Variants in PZP observed in about 807,000 individuals in gnomAD.
PZP encodes PZP alpha-2-macroglobulin like.
In PZP, 150 loss-of-function variants were observed where a neutral mutation model predicts 179.8. That is an observed-to-expected ratio of 0.83 (90% CI 0.73 to 0.96). The LOEUF is 0.96. PZP is among the 40% of genes least tolerant of loss of function. The pLI is 0.00. For synonymous variants in PZP, 624 were observed against 652.3 expected, an observed-to-expected ratio of 0.96 and a Z score of 0.66; for missense variants, 1,689 against 1,764.0, an observed-to-expected ratio of 0.96 and a Z score of 0.76.
At position 9,154,743 on chromosome 12, in the gene PZP, G is replaced by T; in HGVS notation, c.3647C>A (p.Ser1216Tyr). The T allele has an allele frequency of 6.2e-7, 1 of 1,614,124 alleles. No individual in the cohort carries two copies. ...QAPSAEVEMT[S>Y]YVLLAYLTAQ... Reference sequence around the variant, plus strand: ...CGTGAGATAAGCGAGGAGCACATAGGATGTCATCTCCACCTCAGCAGAGGG... The same window carrying T: ...CGTGAGATAAGCGAGGAGCACATAGTATGTCATCTCCACCTCAGCAGAGGG... Residue 1216 changes from serine to tyrosine, a missense_variant, in exon 29 of 36, where the codon TCC (serine) becomes TAC (tyrosine). By Grantham distance (144) the Ser-to-Tyr change is moderately radical. Coordinates refer to ENST00000261336, the MANE Select transcript of PZP (RefSeq NM_002864.3).
At chr12:9,204,914 G>A (rs1049602769) in intron 1 of PZP, among the ~76,000 whole-genome samples, 1 of 151,948 alleles carries the variant, frequency 6.6e-6, no homozygotes, top group African/African-American at 2.4e-5. Flanking sequence ...GCACAACATT[G>A]TGAGGTCCCC....
chr12:9,175,413 A>C (rs576098609), intron 15 of PZP, among the ~76,000 whole-genome samples: 103 of 152,248 alleles, frequency 6.8e-4, no homozygotes, highest in Non-Finnish European at 1.3e-3. Flanking sequence ...CAAAGATTTC[A>C]TGATGAAAAT....
intron 19 of PZP, among the ~76,000 whole-genome samples, 196 bp downstream of exon 19, chr12:9,164,943 G>T (rs983337420): frequency 6.6e-6 from 1 of 152,170 alleles, no homozygotes; most frequent in Non-Finnish European, 1.5e-5. Flanking sequence ...AGAGAGCCGT[G>T]ATTTAAGCAC....
intron 34 of PZP, 38 bp from the exon 35 acceptor site, chr12:9,149,640 T>G: frequency 1.9e-6 from 3 of 1,601,016 alleles, no homozygotes; most frequent in Non-Finnish European, 2.6e-6. Context: ...AAACGAAAGA[T>G]CTATGAACTA....
intron 25 of PZP, among the ~76,000 whole-genome samples, chr12:9,158,950 C>T (rs986073833): frequency 1.5e-4 from 23 of 152,022 alleles, no homozygotes; most frequent in African/African-American, 5.3e-4. Context: ...AGCTTACTTT[C>T]TGTAGTTTTA....
chr12:9,164,395 A>G, intron 19 of PZP, 136 bp from the exon 20 acceptor site: 1 of 942,680 alleles, frequency 1.1e-6, no homozygotes, highest in Non-Finnish European at 1.5e-6. Context: ...AGATTCATCC[A>G]TGCTTTAAGA....
chr12:9,143,934 A>G (rs1939869013), downstream of PZP, among the ~76,000 whole-genome samples: 1 of 152,170 alleles, frequency 6.6e-6, no homozygotes, highest in Non-Finnish European at 1.5e-5. Context: ...GAGACCCAGA[A>G]TCCTCTTTCT....
In PZP at chr12:9,200,919, G is replaced by GTATCCTTCCACCT; in HGVS notation, c.630_642dup (p.Gln215ArgfsTer19). The GTATCCTTCCACCT allele has an allele frequency of 6.2e-7, 1 of 1,613,814 alleles. No homozygotes were observed. The highest frequency in any genetic ancestry group is 8.5e-7 in the Non-Finnish European group (1 of 1,179,860). On this transcript the variant is annotated frameshift_variant, in exon 6 of 36. Transcript: ENST00000261336. LOFTEE classifies it high-confidence loss of function. ...AATTCCTCCACGGTGAAGGGGTGCT[G>GTATCCTTCCACCT]TATCCTTCCACCTGATTCTGTCTGT... is the stretch of plus-strand genomic sequence containing the variant.
intron 22 of PZP, chr12:9,162,359 C>A: frequency 2.2e-6 from 1 of 461,766 alleles, no homozygotes; most frequent in East Asian, 3.9e-5. Context: ...AAAAGGGCTA[C>A]GTATGAACCA....
intron 28 of PZP, among the ~76,000 whole-genome samples, chr12:9,155,325 C>T (rs1391766348): frequency 6.6e-6 from 1 of 151,816 alleles, no homozygotes; most frequent in Admixed American, 6.6e-5. Flanking sequence ...TGAATCAGTC[C>T]GTTTTTGTTG....
chr12:9,166,586 T>C (rs1941601751), intron 17 of PZP, among the ~76,000 whole-genome samples: 1 of 152,210 alleles, frequency 6.6e-6, no homozygotes, highest in African/African-American at 2.4e-5. Context: ...GTGGTTGCTA[T>C]ACTAAAAATG....
At chr12:9,188,978 A>G (rs1300164529) in intron 13 of PZP, among the ~76,000 whole-genome samples, 2 of 152,136 alleles carry the variant, frequency 1.3e-5, no homozygotes, top group East Asian at 3.8e-4. Flanking sequence ...GAATTACAAA[A>G]CACTGCTCAA....
At chr12:9,152,166 G>A in intron 32 of PZP, 54 bp downstream of exon 32, 1 of 1,242,354 alleles carries the variant, frequency 8.0e-7, no homozygotes, top group Non-Finnish European at 1.2e-6. Context: ...GTCTTAGTTT[G>A]GGGATACAGA....
At position 9,181,980 on chromosome 12, in the gene PZP, T is replaced by C; in HGVS notation, c.1684A>G (p.Asn562Asp). ...TTTTATGTTAAATCGCTCACCTTGT[T>C]GGCTAGACAGTTTTCAATCTCAAAT... ...EKFEIENCLA[N>D]KVDLSFSPAQ... The change falls in exon 14 of 36, where the codon AAC becomes GAC. Residue 562 changes from asparagine to aspartate, a missense_variant. By Grantham distance (23) the Asn-to-Asp change is conservative. Around this residue, in one of 3 missense-constraint regions of PZP, gnomAD observed 742 missense variants for 730.5 expected, o/e 1.02. Coordinates refer to ENST00000261336, the MANE Select transcript of PZP (RefSeq NM_002864.3). 1.2e-6 allele frequency: 2 copies of C among 1,613,648 alleles called. No homozygotes were observed. The highest frequency in any genetic ancestry group is 1.7e-6 in the Non-Finnish European group (2 of 1,179,762).
chr12:9,148,514 A>G (rs1940127507), downstream of PZP, among the ~76,000 whole-genome samples: 1 of 151,988 alleles, frequency 6.6e-6, no homozygotes, highest in African/African-American at 2.4e-5. Context: ...TTTAATTATC[A>G]ATTCTCTAGA....
downstream of PZP, among the ~76,000 whole-genome samples, chr12:9,146,163 T>C (rs1023039556): frequency 2.0e-5 from 3 of 152,078 alleles, no homozygotes; most frequent in Non-Finnish European, 4.4e-5. Context: ...ATTTGTATAA[T>C]GGTCAATTTG....
At chr12:9,184,875 T>A (rs1943005241) in intron 13 of PZP, among the ~76,000 whole-genome samples, 1 of 152,166 alleles carries the variant, frequency 6.6e-6, no homozygotes, top group African/African-American at 2.4e-5. Flanking sequence ...GAACTCACCT[T>A]ATACCACAAT....
chr12:9,169,323 A>G lies in PZP; in HGVS notation c.2001+107T>C. On this transcript the variant is annotated intron_variant, in intron 16 of 35. Transcript: ENST00000261336. ...TGGCTTCATTTTTGTCTGCTGAAAA[A>G]TGGAGAGGCAAGGCTACATAATTAC... 3 of 1,119,064 alleles carry G rather than the reference A, an allele frequency of 2.7e-6. No individual in the cohort carries two copies. In the South Asian group the frequency reaches 5.5e-5, roughly 21 times the overall value. The allele number at this position is 1,119,064 out of a possible 1,614,324, so 69.3% of individuals were successfully genotyped here.
rs184242576 is a variant in PZP, at chr12:9,204,661, T to C, written c.84-710A>G. On this transcript the variant is annotated intron_variant, in intron 1 of 35. Transcript: ENST00000261336. ...ACACACACACTACACAAACACACAC[T>C]GTATTTTATTATCATTTCCCTTTAT... Among the ~76,000 whole-genome samples, 13 of 152,268 alleles carry C rather than the reference T, an allele frequency of 8.5e-5. 1 individual carries two copies. The East Asian group carries it at 2.5e-3, about 29-fold the overall frequency.
Sources: gnomAD v4.1 joint callset for allele counts (sites outside exome capture counted in the v4.1 genomes callset) on GRCh38, gnomAD v4.1.1 for gene constraint, gnomAD v4.1.1 regional missense constraint, MANE v1.5 for transcripts, NCBI Gene and HGNC (gene_info 2026-07-23, HGNC 2026-07-21) for gene names.